Variants in RANBP2 observed in about 807,000 individuals in gnomAD.
RANBP2 encodes E3 SUMO-protein ligase RanBP2.
Under a neutral mutation model 303.6 loss-of-function variants are expected in RANBP2, and 57 were observed. The observed-to-expected ratio is 0.19, with a 90% CI of 0.15 to 0.23. The LOEUF is 0.23. RANBP2 is among the 10% of genes least tolerant of loss of function. The pLI is 1.00. For missense variants in RANBP2, 3,138 were observed against 3,780.8 expected, an observed-to-expected ratio of 0.83 and a Z score of 4.46; for synonymous variants, 1,167 against 1,301.5, an observed-to-expected ratio of 0.90 and a Z score of 2.23.
At chr2:109,129,117 G>A in the RANBP2 span, 3 of 342,784 alleles carry the variant, frequency 8.8e-6, no homozygotes, top group South Asian at 4.3e-5. Flanking sequence ...GAGCGTGCAC[G>A]CCGCGCCCCG....
At chr2:109,336,644 T>C in the RANBP2 span, among the ~76,000 whole-genome samples, 1 of 152,374 alleles carries the variant, frequency 6.6e-6, no homozygotes, top group South Asian at 2.1e-4. Context: ...AGCATTTGTT[T>C]GTTTCTCTGC....
chr2:109,089,972 A>C, the RANBP2 span, among the ~76,000 whole-genome samples: 144,641 of 152,154 alleles, frequency 0.95, 69,148 homozygotes, highest in Non-Finnish European at 1. Flanking sequence ...GCAAACTGGC[A>C]GTTCAAATTA....
the RANBP2 span, among the ~76,000 whole-genome samples, chr2:109,005,145 C>G: frequency 6.6e-6 from 1 of 152,204 alleles, no homozygotes; most frequent in African/African-American, 2.4e-5. Context: ...AGCTAGAATA[C>G]CCTGTGTGCC....
the RANBP2 span, among the ~76,000 whole-genome samples, chr2:109,381,599 T>TG: frequency 6.6e-6 from 1 of 151,904 alleles, no homozygotes; most frequent in African/African-American, 2.4e-5. Flanking sequence ...ACTTCTACCT[T>TG]TCCTGCTTGA....
chr2:109,052,910 T>C, the RANBP2 span, among the ~76,000 whole-genome samples: 1 of 152,218 alleles, frequency 6.6e-6, no homozygotes, highest in Non-Finnish European at 1.5e-5. Flanking sequence ...ACCCCTAGAT[T>C]CCCTAAGACA....
chr2:108,819,634 T>C, the RANBP2 span, among the ~76,000 whole-genome samples: 1 of 152,326 alleles, frequency 6.6e-6, no homozygotes, highest in Non-Finnish European at 1.5e-5. Context: ...AGAAGACACA[T>C]GTCTCAGAAG....
At chr2:108,848,486 T>C in the RANBP2 span, among the ~76,000 whole-genome samples, 1 of 152,206 alleles carries the variant, frequency 6.6e-6, no homozygotes, top group East Asian at 1.9e-4. Context: ...ATGAATAGGT[T>C]GATGAAGATT....
chr2:109,652,545 T>C, the RANBP2 span, among the ~76,000 whole-genome samples: 1 of 152,080 alleles, frequency 6.6e-6, no homozygotes, highest in Non-Finnish European at 1.5e-5. Context: ...CCTGAGAAAC[T>C]TCACGCTGAC....
chr2:109,662,569 G>A, the RANBP2 span, among the ~76,000 whole-genome samples: 1 of 151,622 alleles, frequency 6.6e-6, no homozygotes, highest in Non-Finnish European at 1.5e-5. Flanking sequence ...TGTGTTTTTA[G>A]CCACCATGCC....
At chr2:109,489,505 A>G in the RANBP2 span, among the ~76,000 whole-genome samples, 1 of 152,034 alleles carries the variant, frequency 6.6e-6, no homozygotes, top group South Asian at 2.1e-4. Context: ...GAGCTGGGGG[A>G]GGAGAAAGCA....
chr2:108,947,064 G>A, the RANBP2 span, among the ~76,000 whole-genome samples: 4 of 152,194 alleles, frequency 2.6e-5, no homozygotes, highest in Non-Finnish European at 4.4e-5. Context: ...AAGATACAAT[G>A]GAGATACAGC....
At chr2:109,148,660 A>G in the RANBP2 span, among the ~76,000 whole-genome samples, 1 of 152,226 alleles carries the variant, frequency 6.6e-6, no homozygotes, top group Non-Finnish European at 1.5e-5. Context: ...TAAAAATGTG[A>G]AAGGGATAAT....
the RANBP2 span, among the ~76,000 whole-genome samples, chr2:109,032,933 C>G: frequency 2.0e-5 from 3 of 152,200 alleles, no homozygotes; most frequent in African/African-American, 4.8e-5. Context: ...CTAATTTTCC[C>G]TGGATTTTCA....
chr2:109,712,134 C>T, the RANBP2 span, among the ~76,000 whole-genome samples: 1 of 152,190 alleles, frequency 6.6e-6, no homozygotes, highest in Non-Finnish European at 1.5e-5. Flanking sequence ...TGAAAGATTT[C>T]ATGTCCAGGT....
the RANBP2 span, among the ~76,000 whole-genome samples, chr2:109,506,522 G>A: frequency 6.0e-4 from 91 of 152,346 alleles, no homozygotes; most frequent in East Asian, 9.7e-3. Context: ...AGAGGGTGGG[G>A]CAGGACAGGG....
chr2:109,668,586 T>A, the RANBP2 span, among the ~76,000 whole-genome samples: 1 of 152,106 alleles, frequency 6.6e-6, no homozygotes, highest in Non-Finnish European at 1.5e-5. Context: ...TGTGCACATA[T>A]GAGAAATGAA....
chr2:109,479,681 A>T, the RANBP2 span, among the ~76,000 whole-genome samples: 2 of 152,114 alleles, frequency 1.3e-5, no homozygotes, highest in African/African-American at 2.4e-5. Context: ...CCTCATTTTT[A>T]AAAAATGAAT....
chr2:108,827,554 C>T, the RANBP2 span, among the ~76,000 whole-genome samples: 1 of 152,024 alleles, frequency 6.6e-6, no homozygotes, highest in South Asian at 2.1e-4. Flanking sequence ...CAGTGGCTCC[C>T]GCCTGTAATC....
the RANBP2 span, among the ~76,000 whole-genome samples, chr2:109,495,848 C>T: frequency 1.3e-5 from 2 of 152,092 alleles, no homozygotes; most frequent in Non-Finnish European, 2.9e-5. Flanking sequence ...GATAATAATA[C>T]ATGTCTGGGT....
Sources: allele counts gnomAD v4.1 joint callset (sites outside exome capture counted in the v4.1 genomes callset), GRCh38; gene constraint gnomAD v4.1.1; transcripts MANE v1.5; gene names NCBI Gene and HGNC (gene_info 2026-07-23, HGNC 2026-07-21).